RALGPS1: variants seen among roughly 807,000 people sequenced by gnomAD.
RALGPS1 encodes ras-specific guanine nucleotide-releasing factor RalGPS1.
In RALGPS1, 19 loss-of-function variants were observed where a neutral mutation model predicts 78.8. That is an observed-to-expected ratio of 0.24 (90% CI 0.17 to 0.35). The LOEUF (loss-of-function observed/expected upper bound fraction) is 0.35. Among genes scored for constraint, RALGPS1 ranks in the 10% least tolerant of loss-of-function variants. The probability of loss-of-function intolerance (pLI) is 1.00; values close to 1 mark genes in which losing one functional copy is unlikely to be tolerated. For missense variants in RALGPS1, 454 were observed against 688.3 expected (o/e 0.66, Z 3.81); for synonymous variants, 228 against 256.3 (o/e 0.89, Z 1.06).
At chr9:127,131,540 A>G (rs913129266) in intron 8 of RALGPS1, among the ~76,000 whole-genome samples, 1 of 152,148 alleles carries the variant, frequency 6.6e-6, no homozygotes, top group African/African-American at 2.4e-5. Context: ...TTCCATTTTA[A>G]CTGATGAGGT....
intron 8 of RALGPS1, among the ~76,000 whole-genome samples, chr9:127,078,906 C>T (rs1455997156): frequency 6.6e-6 from 1 of 152,192 alleles, no homozygotes; most frequent in Non-Finnish European, 1.5e-5. Context: ...TGCATTATCT[C>T]ATTTAATCCT....
At chr9:127,156,758 TC>T (rs1233603244) in intron 8 of RALGPS1, among the ~76,000 whole-genome samples, 1 of 152,142 alleles carries the variant, frequency 6.6e-6, no homozygotes, top group Non-Finnish European at 1.5e-5. Context: ...AATATGTCAG[TC>T]TTTTTTTAAT....
intron 13 of RALGPS1, among the ~76,000 whole-genome samples, chr9:127,198,265 C>G (rs1564776413): frequency 1.3e-5 from 2 of 152,216 alleles, no homozygotes; most frequent in Admixed American, 6.5e-5. Flanking sequence ...GCCAAGGGGC[C>G]TGGGATCTCC....
chr9:127,041,478 G>A (rs1472195267), intron 5 of RALGPS1, among the ~76,000 whole-genome samples: 1 of 152,200 alleles, frequency 6.6e-6, no homozygotes. Flanking sequence ...ATGAATGAGT[G>A]TGTGGCTTCA....
intron 1 of RALGPS1, among the ~76,000 whole-genome samples, chr9:126,955,180 C>T (rs1160076194): frequency 1.3e-5 from 2 of 152,154 alleles, no homozygotes; most frequent in African/African-American, 4.8e-5. Flanking sequence ...TCTTAAGTTA[C>T]CTTCTTTGTT....
At chr9:126,983,714 T>G (rs1264588744) in intron 4 of RALGPS1, among the ~76,000 whole-genome samples, 1 of 152,190 alleles carries the variant, frequency 6.6e-6, no homozygotes, top group African/African-American at 2.4e-5. Flanking sequence ...CCTCATGCGC[T>G]TAACTTATTG....
chr9:127,053,719 T>C (rs991184411), intron 7 of RALGPS1, among the ~76,000 whole-genome samples: 1 of 152,230 alleles, frequency 6.6e-6, no homozygotes, highest in Non-Finnish European at 1.5e-5. Flanking sequence ...TCTGCCAGTC[T>C]GTGGGGCTGG....
intron 8 of RALGPS1, among the ~76,000 whole-genome samples, chr9:127,112,782 T>G (rs1454455138): frequency 6.6e-6 from 1 of 152,214 alleles, no homozygotes; most frequent in Non-Finnish European, 1.5e-5. Context: ...CCAACAACAG[T>G]GAGGATGCTG....
intron 1 of RALGPS1, among the ~76,000 whole-genome samples, chr9:126,941,410 T>C (rs1485011226): frequency 6.6e-6 from 1 of 152,214 alleles, no homozygotes; most frequent in Admixed American, 6.5e-5. Context: ...TGTATCAAAA[T>C]ATCCCATATA....
intron 8 of RALGPS1, among the ~76,000 whole-genome samples, chr9:127,085,635 G>A (rs1020776941): frequency 3.9e-5 from 6 of 152,186 alleles, no homozygotes; most frequent in Admixed American, 3.3e-4. Context: ...TTGAGATGGG[G>A]TTTGGGAGAA....
intron 1 of RALGPS1, among the ~76,000 whole-genome samples, chr9:126,924,431 A>G (rs2035066948): frequency 6.6e-6 from 1 of 152,226 alleles, no homozygotes; most frequent in Non-Finnish European, 1.5e-5. Context: ...CTTGGAACCT[A>G]GTTTTATCAA....
At chr9:127,141,118 C>T (rs904599103) in intron 8 of RALGPS1, among the ~76,000 whole-genome samples, 1 of 152,102 alleles carries the variant, frequency 6.6e-6, no homozygotes, top group African/African-American at 2.4e-5. Flanking sequence ...AGATTTCCTC[C>T]AGCAGCGCTG....
intron 1 of RALGPS1, among the ~76,000 whole-genome samples, chr9:126,918,244 T>C (rs1037482885): frequency 6.6e-6 from 1 of 152,246 alleles, no homozygotes; most frequent in Non-Finnish European, 1.5e-5. Context: ...CATTCAATTT[T>C]TGTTCGTAAA....
At chr9:127,108,080 G>T (rs766591374) in intron 8 of RALGPS1, 6 of 1,611,612 alleles carry the variant, frequency 3.7e-6, no homozygotes, top group South Asian at 2.2e-5. Context: ...GGGGCAGCGG[G>T]GGGTGGCTGG....
Position 127,091,008 on chromosome 9 carries a change from TTCTC to T in RALGPS1, c.610+21657_610+21660del, listed in dbSNP as rs982307115. 8.5e-5 allele frequency among the ~76,000 whole-genome samples: 13 copies of T among 152,378 alleles called. No individual in the cohort carries two copies. The highest frequency in any genetic ancestry group is 2.9e-4 in the African/African-American group (12 of 41,598). ...AGCATGTGATCTTAGACAAATCACT[TTCTC>T]TCTCCTATCTGCTTTCCTCTTAATA... is the stretch of plus-strand genomic sequence containing the variant. On this transcript the variant is annotated intron_variant, in intron 8 of 18. Coordinates refer to ENST00000259351, the MANE Select transcript of RALGPS1 (RefSeq NM_014636.3). The surrounding 1 kb of genome is among the most constrained non-coding windows in gnomAD (Gnocchi z 4.3).
intron 1 of RALGPS1, among the ~76,000 whole-genome samples, chr9:126,929,319 A>T (rs2035587465): frequency 6.6e-6 from 1 of 152,242 alleles, no homozygotes; most frequent in Non-Finnish European, 1.5e-5. Context: ...GAAAAGGTAC[A>T]AGGAAGGAAC....
chr9:127,098,420 A>G (rs1449750432), intron 8 of RALGPS1, among the ~76,000 whole-genome samples: 1 of 152,014 alleles, frequency 6.6e-6, no homozygotes, highest in East Asian at 1.9e-4. Context: ...TAAAGACCAC[A>G]TTTACATTCT....
chr9:127,177,251 G>A (rs1237314930), intron 11 of RALGPS1, among the ~76,000 whole-genome samples: 6 of 152,064 alleles, frequency 3.9e-5, no homozygotes, highest in Non-Finnish European at 7.4e-5. Context: ...GTGGGCCCCT[G>A]GTATACACTA....
chr9:126,940,694 T>C (rs2036698933), intron 1 of RALGPS1, among the ~76,000 whole-genome samples: 2 of 151,980 alleles, frequency 1.3e-5, no homozygotes, highest in Non-Finnish European at 2.9e-5. Flanking sequence ...GTCGAACAGG[T>C]ATATTCTTAT....
Sources: gnomAD v4.1 joint callset for allele counts (sites outside exome capture counted in the v4.1 genomes callset) on GRCh38, gnomAD v4.1.1 for gene constraint, Gnocchi (gnomAD v3.1) non-coding constraint, MANE v1.5 for transcripts, NCBI Gene and HGNC (gene_info 2026-07-23, HGNC 2026-07-21) for gene names.